SRD5A2: variants seen among roughly 807,000 people sequenced by gnomAD.
SRD5A2 encodes steroid 5 alpha-reductase 2.
In SRD5A2, 30 loss-of-function variants were observed where a neutral mutation model predicts 27.4. That is an observed-to-expected ratio of 1.10 (90% CI 0.82 to 1.49). The LOEUF (loss-of-function observed/expected upper bound fraction) is 1.49, where lower values mean the gene tolerates loss of function less well. Among genes scored for constraint, SRD5A2 ranks in the 40% most tolerant of loss-of-function variants. The probability of loss-of-function intolerance (pLI) is 0.00; values close to 1 mark genes in which losing one functional copy is unlikely to be tolerated. For synonymous variants in SRD5A2, 141 were observed against 133.6 expected (o/e 1.06, Z -0.38); for missense variants, 348 against 323.4 (o/e 1.08, Z -0.58).
intron 1 of SRD5A2, among the ~76,000 whole-genome samples, chr2:31,554,776 G>GGTA (rs1269892197): frequency 6.6e-6 from 1 of 152,070 alleles, no homozygotes; most frequent in Non-Finnish European, 1.5e-5. Context: ...TTACTCAAAT[G>GGTA]GTAGAAATTT....
At chr2:31,650,989 T>G in the SRD5A2 span, among the ~76,000 whole-genome samples, 1 of 152,154 alleles carries the variant, frequency 6.6e-6, no homozygotes, top group East Asian at 1.9e-4. Flanking sequence ...AACAGACTGG[T>G]TGACTAACTA....
At chr2:31,641,045 C>T in the SRD5A2 span, among the ~76,000 whole-genome samples, 6 of 152,158 alleles carry the variant, frequency 3.9e-5, no homozygotes, top group Non-Finnish European at 8.8e-5. Flanking sequence ...CCCATCTACT[C>T]ATTTTTCCAC....
chr2:31,635,482 C>G, the SRD5A2 span, among the ~76,000 whole-genome samples: 2 of 151,650 alleles, frequency 1.3e-5, no homozygotes, highest in African/African-American at 4.8e-5. Context: ...CAAATATTTT[C>G]TCTCATTTTG....
chr2:31,541,405 A>C (rs1324638067), intron 1 of SRD5A2, among the ~76,000 whole-genome samples: 2 of 152,150 alleles, frequency 1.3e-5, no homozygotes, highest in African/African-American at 4.8e-5. Flanking sequence ...AAAGGAAAAA[A>C]TAGTCAACAG....
the SRD5A2 span, among the ~76,000 whole-genome samples, chr2:31,636,034 T>C: frequency 6.6e-6 from 1 of 152,118 alleles, no homozygotes; most frequent in Non-Finnish European, 1.5e-5. Context: ...CAGGAACTTT[T>C]GTTATTCCAT....
the SRD5A2 span, among the ~76,000 whole-genome samples, chr2:31,589,755 C>T: frequency 6.6e-6 from 1 of 151,782 alleles, no homozygotes; most frequent in Admixed American, 6.6e-5. Flanking sequence ...GGGTGGGGGG[C>T]AAATGGGAAG....
At chr2:31,653,907 C>T in the SRD5A2 span, among the ~76,000 whole-genome samples, 1 of 152,192 alleles carries the variant, frequency 6.6e-6, no homozygotes, top group East Asian at 1.9e-4. Context: ...GATCTGCCCG[C>T]CTCGGCCTCC....
the SRD5A2 span, among the ~76,000 whole-genome samples, chr2:31,618,159 G>C: frequency 1.3e-5 from 2 of 152,112 alleles, no homozygotes; most frequent in South Asian, 4.1e-4. Context: ...TTGTGCAGAG[G>C]AACTCCCATT....
chr2:31,589,720 G>C, the SRD5A2 span, among the ~76,000 whole-genome samples: 1 of 152,156 alleles, frequency 6.6e-6, no homozygotes, highest in Non-Finnish European at 1.5e-5. Context: ...TTTTGGCTGA[G>C]TACGAATTTT....
chr2:31,620,924 A>G, the SRD5A2 span, among the ~76,000 whole-genome samples: 1 of 147,216 alleles, frequency 6.8e-6, no homozygotes. Context: ...TAAAAATTAT[A>G]TATATATAAA....
chr2:31,604,433 A>G, the SRD5A2 span, among the ~76,000 whole-genome samples: 1 of 151,914 alleles, frequency 6.6e-6, no homozygotes, highest in African/African-American at 2.4e-5. Flanking sequence ...AAAATATTAG[A>G]TCTGATAAAC....
the SRD5A2 span, among the ~76,000 whole-genome samples, chr2:31,653,138 G>A: frequency 1.3e-5 from 2 of 151,870 alleles, no homozygotes; most frequent in Non-Finnish European, 1.5e-5. Context: ...CCCTAGAGCC[G>A]CCAACACCAA....
intron 4 of SRD5A2, among the ~76,000 whole-genome samples, chr2:31,527,219 C>A (rs567881162): frequency 2.1e-4 from 32 of 152,264 alleles, no homozygotes; most frequent in African/African-American, 7.2e-4. Context: ...TTATAAGAAG[C>A]CTGTCTGCTT....
chr2:31,647,547 T>C, the SRD5A2 span, among the ~76,000 whole-genome samples: 5 of 152,240 alleles, frequency 3.3e-5, no homozygotes, highest in Non-Finnish European at 5.9e-5. Flanking sequence ...GATTATTTGA[T>C]TTTATTCCTT....
chr2:31,589,346 G>C, the SRD5A2 span, among the ~76,000 whole-genome samples: 1 of 152,180 alleles, frequency 6.6e-6, no homozygotes, highest in Non-Finnish European at 1.5e-5. Flanking sequence ...ATTTACATGA[G>C]CTGATAATGT....
chr2:31,640,272 A>C, the SRD5A2 span, among the ~76,000 whole-genome samples: 1 of 151,918 alleles, frequency 6.6e-6, no homozygotes, highest in Middle Eastern at 3.2e-3. Flanking sequence ...AAGATCACTA[A>C]GTTTCTTTAA....
At chr2:31,558,835 G>A (rs535854267) in intron 1 of SRD5A2, among the ~76,000 whole-genome samples, 14 of 152,288 alleles carry the variant, frequency 9.2e-5, no homozygotes, top group East Asian at 3.9e-4. Flanking sequence ...AGACTGTACC[G>A]TCTAGGTTTG....
intron 1 of SRD5A2, among the ~76,000 whole-genome samples, chr2:31,541,860 C>A (rs1003896347): frequency 2.6e-5 from 4 of 152,168 alleles, no homozygotes; most frequent in Admixed American, 6.6e-5. Flanking sequence ...CTAAACTCAG[C>A]CAATGCCAAC....
the SRD5A2 span, among the ~76,000 whole-genome samples, chr2:31,641,904 C>T: frequency 6.6e-6 from 1 of 151,732 alleles, no homozygotes; most frequent in East Asian, 1.9e-4. Context: ...TATTAAGCTT[C>T]TAAGCTTATA....
Sources: allele counts gnomAD v4.1 joint callset (sites outside exome capture counted in the v4.1 genomes callset), GRCh38; gene constraint gnomAD v4.1.1; transcripts MANE v1.5; gene names NCBI Gene and HGNC (gene_info 2026-07-23, HGNC 2026-07-21).